ITIH2: variants seen among roughly 807,000 people sequenced by gnomAD.
The protein encoded by ITIH2 is inter-alpha-trypsin inhibitor heavy chain H2.
A neutral mutation model predicts 104.4 loss-of-function variants in ITIH2; 103 were observed. The observed-to-expected ratio is 0.99, with a 90% CI of 0.84 to 1.16. The LOEUF (loss-of-function observed/expected upper bound fraction) is 1.16. Ranked by LOEUF, ITIH2 falls within the 50% of genes most tolerant of loss-of-function variation. The pLI is 0.00. For missense variants in ITIH2, 1,108 were observed against 1,162.4 expected, an observed-to-expected ratio of 0.95 and a Z score of 0.68; for synonymous variants, 436 against 435.4, an observed-to-expected ratio of 1.00 and a Z score of -0.02.
At chr10:7,735,173 C>A in intron 15 of ITIH2, 82 bp downstream of exon 15, 1 of 1,303,784 alleles carries the variant, frequency 7.7e-7, no homozygotes, top group Non-Finnish European at 1.0e-6. Flanking sequence ...CCTCCGCTCT[C>A]TCCCACCCCA....
At chr10:7,739,914 G>A (rs573397992) in intron 16 of ITIH2, among the ~76,000 whole-genome samples, 6 of 151,808 alleles carry the variant, frequency 4.0e-5, no homozygotes, top group African/African-American at 9.7e-5. Flanking sequence ...GACCGGGCAC[G>A]GTGGCTTACG....
chr10:7,736,365 GA>G (rs200098611), intron 15 of ITIH2, among the ~76,000 whole-genome samples: 1,658 of 151,712 alleles, frequency 0.011, 9 homozygotes, highest in Non-Finnish European at 0.015. Context: ...ACCTTGTCTC[GA>G]AAAAAAATTA....
chr10:7,743,904 GTTATA>G (rs1432319587), intron 17 of ITIH2, among the ~76,000 whole-genome samples, 173 bp from the exon 18 acceptor site: 4 of 151,818 alleles, frequency 2.6e-5, no homozygotes, highest in South Asian at 2.1e-4. Flanking sequence ...ATTTATAAAT[GTTATA>G]TTAACATGTT....
At chr10:7,746,776 G>A in intron 20 of ITIH2, 72 bp downstream of exon 20, 1 of 893,088 alleles carries the variant, frequency 1.1e-6, no homozygotes. Flanking sequence ...CAAAATAGAG[G>A]AGCAAAGAAG....
chr10:7,721,347 G>A (rs1257313537), intron 7 of ITIH2, among the ~76,000 whole-genome samples: 1 of 152,194 alleles, frequency 6.6e-6, no homozygotes, highest in Non-Finnish European at 1.5e-5. Context: ...ACTCCTCTAA[G>A]AGCATTAAAA....
At chr10:7,704,871 C>T (rs112958019) in intron 1 of ITIH2, among the ~76,000 whole-genome samples, 10,578 of 150,326 alleles carry the variant, frequency 0.07, 382 homozygotes, top group Admixed American at 0.084. Context: ...AGTCGAACAA[C>T]GAGAACACAT....
At chr10:7,713,112 T>G in intron 4 of ITIH2, 69 bp from the exon 5 acceptor site, 1 of 1,217,514 alleles carries the variant, frequency 8.2e-7, no homozygotes, top group East Asian at 2.4e-5. Flanking sequence ...AGAGCAAGAC[T>G]CCATCTCGAG....
chr10:7,708,955 CACT>C (rs1834771366), intron 3 of ITIH2, 64 bp from the exon 4 acceptor site: 1 of 1,280,678 alleles, frequency 7.8e-7, no homozygotes, highest in African/African-American at 1.5e-5. Flanking sequence ...ACATCAAATG[CACT>C]ACATTTGATG....
Position 7,743,143 on chromosome 10 carries a change from CA to C in ITIH2, c.2096-2del. 7.4e-7 allele frequency: 1 copy of C among 1,347,786 alleles called. No homozygotes were observed. The highest frequency in any genetic ancestry group is 2.0e-5 in the Admixed American group (1 of 48,936). The allele number at this position is 1,347,786 out of a possible 1,614,324, so 83.5% of individuals were successfully genotyped here. On this transcript the variant is annotated splice_acceptor_variant, in intron 16 of 20. Coordinates refer to ENST00000358415, the MANE Select transcript of ITIH2 (RefSeq NM_002216.3). LOFTEE classifies it high-confidence loss of function. ...GTTTACGTTTTCTTTGTATATTTTC[CA>C]GTTGAAAATGACCCACATTTCATCA...
chr10:7,742,753 C>G (rs747248980), intron 16 of ITIH2, among the ~76,000 whole-genome samples: 7 of 152,002 alleles, frequency 4.6e-5, no homozygotes, highest in Non-Finnish European at 8.8e-5. Flanking sequence ...CAAAAAACAC[C>G]CAACTCTATT....
intron 16 of ITIH2, among the ~76,000 whole-genome samples, chr10:7,739,160 C>T (rs1388106788): frequency 6.6e-6 from 1 of 152,160 alleles, no homozygotes; most frequent in Admixed American, 6.5e-5. Flanking sequence ...TCTTCTCCCA[C>T]AGCATGTGAG....
Position 7,714,785 on chromosome 10 carries a change from C to A in ITIH2, c.467+1500C>A, listed in dbSNP as rs181484198. ...GAGTTCCGAGTGCCGAGTGTGTCAT[C>A]CTGTCTGGGGGTCCAGGAAATCCCC... On this transcript the variant is annotated intron_variant, in intron 5 of 20. Coordinates refer to ENST00000358415, the MANE Select transcript of ITIH2 (RefSeq NM_002216.3). 3.2e-4 allele frequency among the ~76,000 whole-genome samples: 48 copies of A among 152,204 alleles called. 3 individuals carry two copies. The highest frequency in any genetic ancestry group is 2.3e-3 in the East Asian group (12 of 5,158).
chr10:7,714,437 G>T (rs1834828498), intron 5 of ITIH2, among the ~76,000 whole-genome samples: 1 of 152,100 alleles, frequency 6.6e-6, no homozygotes, highest in Non-Finnish European at 1.5e-5. Context: ...CTCCCAAACT[G>T]CTGGGATTAC....
At chr10:7,727,915 G>A (rs1332969532) in intron 11 of ITIH2, 87 bp downstream of exon 11, 1 of 1,441,576 alleles carries the variant, frequency 6.9e-7, no homozygotes, top group Admixed American at 1.9e-5. Flanking sequence ...AACTCTAATG[G>A]CATTTGCCTG....
intron 7 of ITIH2, among the ~76,000 whole-genome samples, 193 bp from the exon 8 acceptor site, chr10:7,721,456 C>A (rs1834901784): frequency 6.6e-6 from 1 of 152,190 alleles, no homozygotes; most frequent in Non-Finnish European, 1.5e-5. Flanking sequence ...ACCTTGCAAA[C>A]AGCATGGCAG....
At chr10:7,745,081 C>T (rs1835164159) in intron 19 of ITIH2, 118 bp downstream of exon 19, 1 of 861,576 alleles carries the variant, frequency 1.2e-6, no homozygotes, top group African/African-American at 1.7e-5. Flanking sequence ...GCACAGAGGA[C>T]TAACATAGCA....
intron 15 of ITIH2, among the ~76,000 whole-genome samples, chr10:7,737,532 CTATATAA>C (rs1186136219): frequency 1.6e-5 from 2 of 126,590 alleles, no homozygotes; most frequent in East Asian, 4.8e-4. Flanking sequence ...ACTATGTATT[CTATATAA>C]TATATATTAT....
rs761986219 is a variant in ITIH2 at position 7,717,769 on chromosome 10, G to A, written c.611G>A (p.Arg204Gln). 40 of 1,611,044 alleles carry A rather than the reference G, an allele frequency of 2.5e-5. No homozygotes were observed. Among genetic ancestry groups the A allele is most frequent in the Non-Finnish European group, 3.0e-5 (35 of 1,178,814 alleles). Residue 204 changes from arginine (R) to glutamine (Q), a missense_variant, in exon 6 of 21, where the codon CGG becomes CAG. Physicochemically the swap from Arg to Gln is conservative, Grantham distance 43. Transcript: ENST00000358415. Reference sequence around the variant, plus strand: ...CACAGGATCTATCTGCAACCTGGACGGCTGGCCAAACACTTAGAGGTAAGC... The same window carrying A: ...CACAGGATCTATCTGCAACCTGGACAGCTGGCCAAACACTTAGAGGTAAGC... ...YEHRIYLQPGRLAKHLEVDVW... is the reference protein window; with the variant it reads ...YEHRIYLQPGQLAKHLEVDVW...
chr10:7,721,768 T>G lies in ITIH2; in HGVS notation c.858T>G (p.Gly286=). The change falls in exon 8 of 21, where the codon GGT becomes GGG. Residue 286 remains glycine (G), a synonymous_variant. Transcript: ENST00000358415. ...ACGTGAAAAGAGAAGAGAAGGCTGG[T>G]GAACTGGAGGTGAGTGCACACCGGC... The part of the protein sequence containing the change: ...LYDVKREEKA[G]ELEVFNGYFV... 6.2e-7 allele frequency: 1 copy of G among 1,613,920 alleles called. No homozygotes were observed. The highest frequency in any genetic ancestry group is 1.7e-5 in the Admixed American group (1 of 60,002).
Sources: allele counts gnomAD v4.1 joint callset (sites outside exome capture counted in the v4.1 genomes callset), GRCh38; gene constraint gnomAD v4.1.1; transcripts MANE v1.5; gene names NCBI Gene and HGNC (gene_info 2026-07-23, HGNC 2026-07-21).